Variants in C12orf42 observed in about 807,000 individuals in gnomAD.
The protein encoded by C12orf42 is uncharacterized protein C12orf42.
In C12orf42, 25 loss-of-function variants were observed where a neutral mutation model predicts 21.6. The observed-to-expected ratio is 1.16, with a 90% CI of 0.84 to 1.62. The LOEUF (loss-of-function observed/expected upper bound fraction) is 1.62, where lower values mean the gene tolerates loss of function less well. Among genes scored for constraint, C12orf42 ranks in the 40% most tolerant of loss-of-function variants. The pLI is 0.00. For synonymous variants in C12orf42, 174 were observed against 175.0 expected (o/e 0.99, Z 0.05); for missense variants, 483 against 459.3 (o/e 1.05, Z -0.47).
chr12:103,310,791 T>G (rs2038902155), intron 4 of C12orf42, among the ~76,000 whole-genome samples: 1 of 152,254 alleles, frequency 6.6e-6, no homozygotes, highest in South Asian at 2.1e-4. Context: ...TTAGAAAATG[T>G]CTACCAGAAT....
chr12:103,419,304 A>G (rs1477984275), intron 2 of C12orf42, among the ~76,000 whole-genome samples: 2 of 152,160 alleles, frequency 1.3e-5, no homozygotes, highest in Non-Finnish European at 2.9e-5. Context: ...ATCATGTTTT[A>G]AGCAAAGGTG....
At position 103,368,875 on chromosome 12, in the gene C12orf42, G is replaced by T; in HGVS notation, c.259+12C>A. On this transcript the variant is annotated intron_variant, in intron 4 of 5. Transcript: ENST00000548883. ...AAACTCTGGTCTGTCTTGGGATTAT[G>T]TCTTAATTTACCTGGAAAATTCAGA... 1 of 1,407,744 alleles carries T rather than the reference G, an allele frequency of 7.1e-7. No homozygotes were observed. The highest frequency in any genetic ancestry group is 9.9e-7 in the Non-Finnish European group (1 of 1,008,988). 87.2% of individuals were successfully genotyped at this position (1,407,744 alleles called of 1,614,324 possible). A position where few individuals can be genotyped will look rare whatever the true frequency, so the allele number is the denominator to read the frequency against.
Position 103,478,451 on chromosome 12 carries a change from T to G in C12orf42, c.-21-4A>C. On this transcript the variant is annotated splice_region_variant and splice_polypyrimidine_tract_variant and intron_variant, in intron 1 of 5. Coordinates refer to ENST00000548883, the MANE Select transcript of C12orf42 (RefSeq NM_198521.5). ...TTAATTTGACAAGTTCAACTCCCTATAAACAAAGAATGGAGAAAGAAGAGC... is the reference window on the plus strand; with the variant it reads ...TTAATTTGACAAGTTCAACTCCCTAGAAACAAAGAATGGAGAAAGAAGAGC... 7.1e-7 allele frequency: 1 copy of G among 1,400,810 alleles called. No individual in the cohort carries two copies. Among genetic ancestry groups the G allele is most frequent in the Non-Finnish European group, 9.8e-7 (1 of 1,016,788 alleles). The allele number at this position is 1,400,810 out of a possible 1,614,324, so 86.8% of individuals were successfully genotyped here.
At chr12:103,314,946 A>G (rs2039316892) in intron 4 of C12orf42, among the ~76,000 whole-genome samples, 1 of 152,174 alleles carries the variant, frequency 6.6e-6, no homozygotes. Context: ...GTGGATTACA[A>G]CTAAATATGT....
chr12:103,396,102 T>C (rs901898655), intron 3 of C12orf42, among the ~76,000 whole-genome samples: 1 of 151,394 alleles, frequency 6.6e-6, no homozygotes, highest in Non-Finnish European at 1.5e-5. Context: ...TAAATAGTTA[T>C]AACATAATAG....
chr12:103,309,680 T>G (rs1042872900), intron 4 of C12orf42, among the ~76,000 whole-genome samples: 1 of 151,662 alleles, frequency 6.6e-6, no homozygotes, highest in African/African-American at 2.4e-5. Context: ...CAGGAACTGG[T>G]AGGTGTGAAA....
At chr12:103,345,902 A>G (rs952020219) in intron 4 of C12orf42, among the ~76,000 whole-genome samples, 4 of 152,208 alleles carry the variant, frequency 2.6e-5, no homozygotes, top group African/African-American at 9.6e-5. Context: ...CTGTATGATA[A>G]TAACTATGTA....
chr12:103,069,649 A>T, the C12orf42 span, among the ~76,000 whole-genome samples: 2 of 152,328 alleles, frequency 1.3e-5, no homozygotes, highest in East Asian at 3.9e-4. Context: ...AAGTCAAAAA[A>T]TTGTAAGTCA....
chr12:103,474,693 G>C lies in C12orf42; in HGVS notation c.78+3656C>G, dbSNP rs1432696600. Among the ~76,000 whole-genome samples, 9 of 152,250 alleles carry C rather than the reference G, an allele frequency of 5.9e-5. No individual in the cohort carries two copies. In the South Asian group the frequency reaches 1.9e-3, roughly 32 times the overall value. On this transcript the variant is annotated intron_variant, in intron 2 of 5. Transcript: ENST00000548883. ...TTTGATTAATTAAATCTTACCCAAA[G>C]TAGATTTTCCTTTATTATTAATGTA... is the stretch of plus-strand genomic sequence containing the variant.
downstream of C12orf42, among the ~76,000 whole-genome samples, chr12:103,299,176 T>G (rs1206896442): frequency 1.3e-5 from 2 of 152,016 alleles, no homozygotes; most frequent in Non-Finnish European, 2.9e-5. Context: ...TATTATACAG[T>G]TTTTAAAAAA....
chr12:103,260,510 G>T (rs1428706178), intron 10 of C12orf42, among the ~76,000 whole-genome samples: 1 of 152,170 alleles, frequency 6.6e-6, no homozygotes, highest in African/African-American at 2.4e-5. Flanking sequence ...CTTAAGTAAT[G>T]GTTTTGTACT....
At chr12:103,095,205 G>A in the C12orf42 span, among the ~76,000 whole-genome samples, 4 of 152,120 alleles carry the variant, frequency 2.6e-5, no homozygotes, top group African/African-American at 4.8e-5. Context: ...CCATTAAATC[G>A]TAAGTCAGGT....
intron 2 of C12orf42, among the ~76,000 whole-genome samples, chr12:103,445,747 C>A (rs1219979326): frequency 6.6e-6 from 1 of 152,002 alleles, no homozygotes; most frequent in Non-Finnish European, 1.5e-5. Context: ...GGAATCAATT[C>A]TTTAAGTACT....
chr12:103,162,222 C>A, the C12orf42 span, among the ~76,000 whole-genome samples: 1 of 152,172 alleles, frequency 6.6e-6, no homozygotes, highest in African/African-American at 2.4e-5. Context: ...AGAGGCAGCA[C>A]TTTTTGGTAC....
At chr12:103,483,479 AT>A (rs561648153) in intron 1 of C12orf42, among the ~76,000 whole-genome samples, 1 of 151,758 alleles carries the variant, frequency 6.6e-6, no homozygotes, top group Non-Finnish European at 1.5e-5. Context: ...TCCAGTTGAA[AT>A]TTTTTTTCAG....
At chr12:103,364,148 C>G (rs930733784) in intron 4 of C12orf42, among the ~76,000 whole-genome samples, 2 of 152,102 alleles carry the variant, frequency 1.3e-5, no homozygotes, top group African/African-American at 4.8e-5. Context: ...CAAGTACTCT[C>G]TCAGACCACA....
At chr12:103,433,520 A>G (rs1950422120) in intron 2 of C12orf42, among the ~76,000 whole-genome samples, 1 of 152,234 alleles carries the variant, frequency 6.6e-6, no homozygotes, top group Admixed American at 6.5e-5. Context: ...CAATTGTACC[A>G]GTATCTAATT....
chr12:103,275,298 A>G (rs1341771143), intron 5 of C12orf42, among the ~76,000 whole-genome samples: 1 of 152,192 alleles, frequency 6.6e-6, no homozygotes, highest in Non-Finnish European at 1.5e-5. Context: ...TTTTAAAACT[A>G]TAAAAGAGTA....
At chr12:103,372,045 T>C in intron 3 of C12orf42, among the ~76,000 whole-genome samples, 1 of 152,064 alleles carries the variant, frequency 6.6e-6, no homozygotes, top group African/African-American at 2.4e-5. Flanking sequence ...AATATAAGTG[T>C]CCAAAAGAGA....
Sources: gnomAD v4.1 joint callset for allele counts (sites outside exome capture counted in the v4.1 genomes callset) on GRCh38, gnomAD v4.1.1 for gene constraint, MANE v1.5 for transcripts, NCBI Gene and HGNC (gene_info 2026-07-23, HGNC 2026-07-21) for gene names.